GIGYF2: variants seen among roughly 807,000 people sequenced by gnomAD.
GIGYF2 encodes GRB10 interacting GYF protein 2.
GIGYF2 carries 25 observed loss-of-function variants against 208.1 expected under a neutral mutation model. The observed-to-expected ratio is 0.12, with a 90% CI of 0.09 to 0.17. The LOEUF (loss-of-function observed/expected upper bound fraction) is 0.17. Ranked by LOEUF, GIGYF2 falls within the 10% of genes least tolerant of loss-of-function variation. GIGYF2 has a pLI of 1.00. For missense variants in GIGYF2, 1,302 were observed against 1,579.4 expected, an observed-to-expected ratio of 0.82 and a Z score of 2.98; for synonymous variants, 534 against 543.8, an observed-to-expected ratio of 0.98 and a Z score of 0.25.
intron 3 of GIGYF2, chr2:232,736,526 A>C (rs1052811449): frequency 6.6e-6 from 1 of 152,134 alleles, no homozygotes; most frequent in African/African-American, 2.4e-5. Context: ...TAATCAATAA[A>C]TATTTTCTGT....
At chr2:232,794,997 G>A in intron 13 of GIGYF2, 53 bp downstream of exon 13, 1 of 1,264,210 alleles carries the variant, frequency 7.9e-7, no homozygotes, top group Non-Finnish European at 1.2e-6. Flanking sequence ...GTAAGAATTA[G>A]CAGGCATTGC....
chr2:232,747,540 T>C, intron 3 of GIGYF2, 75 bp from the exon 4 acceptor site: 2 of 1,519,254 alleles, frequency 1.3e-6, no homozygotes, highest in Non-Finnish European at 1.8e-6. Flanking sequence ...AAAATGAATT[T>C]TTTTTGACAG....
intron 23 of GIGYF2, 86 bp downstream of exon 23, chr2:232,840,057 A>G (rs1701771460): frequency 1.5e-6 from 2 of 1,331,546 alleles, no homozygotes; most frequent in Admixed American, 3.4e-5. Flanking sequence ...ACTGAGGACA[A>G]TTACTGTCAG....
At chr2:232,777,255 A>G (rs1016362728) in intron 8 of GIGYF2, among the ~76,000 whole-genome samples, 31 of 152,322 alleles carry the variant, frequency 2.0e-4, no homozygotes, top group Admixed American at 2.0e-3. Flanking sequence ...TGTTTAGAAG[A>G]TGTTTTCCTG....
At chr2:232,809,416 G>C (rs796838988) in intron 15 of GIGYF2, among the ~76,000 whole-genome samples, 20 of 152,236 alleles carry the variant, frequency 1.3e-4, no homozygotes, top group African/African-American at 4.8e-4. Context: ...TTCAGTTACA[G>C]TAATAACTCT....
Position 232,858,448 on chromosome 2 carries a change from T to G in GIGYF2, c.*1588T>G. On this transcript the variant is annotated 3_prime_UTR_variant, in exon 29 of 29. Transcript: ENST00000373563. ...TATATAGTTTTTGGATCAAATAGCA[T>G]GAGGGGAGAGGAAACCATTAAAAGT... 4.4e-6 allele frequency: 2 copies of G among 454,032 alleles called. No individual in the cohort carries two copies. The highest frequency in any genetic ancestry group is 8.8e-6 in the Non-Finnish European group (2 of 226,316). The allele number at this position is 454,032 out of a possible 1,614,324, so 28.1% of individuals were successfully genotyped here.
intron 12 of GIGYF2, among the ~76,000 whole-genome samples, chr2:232,794,289 T>C (rs1700156930): frequency 6.6e-6 from 1 of 152,208 alleles, no homozygotes; most frequent in African/African-American, 2.4e-5. Flanking sequence ...CAACATGTAA[T>C]ATATTGAATT....
intron 22 of GIGYF2, among the ~76,000 whole-genome samples, chr2:232,837,489 C>G (rs1180863451): frequency 6.6e-6 from 1 of 152,176 alleles, no homozygotes; most frequent in Non-Finnish European, 1.5e-5. Context: ...GGGTCTGGCT[C>G]TGTCGCCCAG....
At chr2:232,801,703 G>T (rs1397469042) in intron 14 of GIGYF2, among the ~76,000 whole-genome samples, 11 of 152,140 alleles carry the variant, frequency 7.2e-5, no homozygotes, top group Admixed American at 7.2e-4. Flanking sequence ...AGTCATTGTT[G>T]CATGATAGAT....
At position 232,841,711 on chromosome 2, in the gene GIGYF2, G is replaced by A. The variant is rs143675914; in HGVS notation, c.2889+1740G>A. On this transcript the variant is annotated intron_variant, in intron 23 of 28. Transcript: ENST00000373563. ...AATACACATTTCACATATTTCTTAC[G>A]TAGAAAAACCCAAGATGATTTTATT... is the stretch of plus-strand genomic sequence containing the variant. Among the ~76,000 whole-genome samples, 144 of 151,882 alleles carry A rather than the reference G, an allele frequency of 9.5e-4. 1 individual carries two copies. The highest frequency in any genetic ancestry group is 3.4e-3 in the African/African-American group (141 of 41,416).
At chr2:232,785,599 T>C (rs1189051585) in intron 8 of GIGYF2, among the ~76,000 whole-genome samples, 1 of 152,218 alleles carries the variant, frequency 6.6e-6, no homozygotes, top group East Asian at 1.9e-4. Flanking sequence ...CAGCTTATAA[T>C]TGGGGGTAGA....
Position 232,733,236 on chromosome 2 carries a change from G to A in GIGYF2, c.-43-1919G>A, listed in dbSNP as rs372136957. ...CGCGCCACTGTACTCCAGCCTGGGC[G>A]ACAGAGCGAGACTCTTGTCTCAAAA... On this transcript the variant is annotated intron_variant, in intron 2 of 28. Coordinates refer to ENST00000373563, the MANE Select transcript of GIGYF2 (RefSeq NM_001103146.3). 5.0e-3 allele frequency among the ~76,000 whole-genome samples: 731 copies of A among 147,134 alleles called. 5 individuals are homozygous for A. Among genetic ancestry groups the A allele is most frequent in the African/African-American group, 0.018 (705 of 39,622 alleles).
At chr2:232,847,735 A>C (rs1421711459) in intron 27 of GIGYF2, among the ~76,000 whole-genome samples, 164 bp downstream of exon 27, 5 of 152,134 alleles carry the variant, frequency 3.3e-5, no homozygotes, top group Non-Finnish European at 7.3e-5. Flanking sequence ...TTGTCCAGAT[A>C]CCTTTGTGTA....
At chr2:232,833,570 CAA>C (rs1241576839) in intron 22 of GIGYF2, among the ~76,000 whole-genome samples, 3 of 152,282 alleles carry the variant, frequency 2.0e-5, no homozygotes, top group African/African-American at 7.2e-5. Flanking sequence ...GAGGAGTAAA[CAA>C]GAGGATAGGA....
At chr2:232,728,710 T>TA (rs1230140546) in intron 2 of GIGYF2, among the ~76,000 whole-genome samples, 1 of 152,176 alleles carries the variant, frequency 6.6e-6, no homozygotes, top group African/African-American at 2.4e-5. Context: ...TTGCTGTTGT[T>TA]AAAATGACAC....
intron 8 of GIGYF2, among the ~76,000 whole-genome samples, chr2:232,763,639 A>G (rs1229719854): frequency 4.6e-5 from 7 of 151,904 alleles, no homozygotes; most frequent in Non-Finnish European, 7.4e-5. Flanking sequence ...AGCTTGGCCA[A>G]CATGGTGAAA....
chr2:232,742,234 T>G (rs1697993723), intron 3 of GIGYF2, among the ~76,000 whole-genome samples: 1 of 152,024 alleles, frequency 6.6e-6, no homozygotes, highest in African/African-American at 2.4e-5. Context: ...TATTGGTCAT[T>G]GTGTGCCAGT....
Position 232,837,104 on chromosome 2 carries a change from G to A in GIGYF2, c.2767-2745G>A, listed in dbSNP as rs79315950. Among the ~76,000 whole-genome samples, 489 of 152,332 alleles carry A rather than the reference G, an allele frequency of 3.2e-3. 4 individuals carry two copies. The highest frequency in any genetic ancestry group is 0.014 in the Middle Eastern group (4 of 294). Reference sequence around the variant, plus strand: ...CGACCCTAGTGTTGGTGTTGCTGTGGTCAAGTTTCCATCCTATGAGTGGGG... The same window carrying A: ...CGACCCTAGTGTTGGTGTTGCTGTGATCAAGTTTCCATCCTATGAGTGGGG... On this transcript the variant is annotated intron_variant, in intron 22 of 28. Coordinates refer to ENST00000373563, the MANE Select transcript of GIGYF2 (RefSeq NM_001103146.3).
chr2:232,811,993 T>C lies in GIGYF2; in HGVS notation c.2007-398T>C, dbSNP rs559299398. Reference sequence around the variant, plus strand: ...CTGAGAGGCTGTAGGACTTGATTAATGTAACACACAGGAAACTCAGAACTA... The same window carrying C: ...CTGAGAGGCTGTAGGACTTGATTAACGTAACACACAGGAAACTCAGAACTA... On this transcript the variant is annotated intron_variant, in intron 17 of 28. Coordinates refer to ENST00000373563, the MANE Select transcript of GIGYF2 (RefSeq NM_001103146.3). Among the ~76,000 whole-genome samples the C allele has an allele frequency of 2.2e-3, 339 of 152,352 alleles. 4 individuals are homozygous for C. The Middle Eastern group carries it at 0.024, about 11-fold the overall frequency.
Sources: gnomAD v4.1 joint callset for allele counts (sites outside exome capture counted in the v4.1 genomes callset) on GRCh38, gnomAD v4.1.1 for gene constraint, MANE v1.5 for transcripts, NCBI Gene and HGNC (gene_info 2026-07-23, HGNC 2026-07-21) for gene names.